SHCBP1L: variants seen among roughly 807,000 people sequenced by gnomAD.
The protein encoded by SHCBP1L is testicular spindle-associated protein SHCBP1L.
A neutral mutation model predicts 62.5 loss-of-function variants in SHCBP1L; 67 were observed. The ratio of observed to expected loss-of-function variants is 1.07; its 90% CI spans 0.88 to 1.31. The LOEUF (loss-of-function observed/expected upper bound fraction) is 1.31, where lower values mean the gene tolerates loss of function less well. SHCBP1L is among the 40% of genes most tolerant of loss of function. The pLI, the probability that SHCBP1L is intolerant of heterozygous loss-of-function variation, is 0.00. For missense variants in SHCBP1L, 823 were observed against 809.8 expected, an observed-to-expected ratio of 1.02 and a Z score of -0.20; for synonymous variants, 284 against 289.4, an observed-to-expected ratio of 0.98 and a Z score of 0.19.
At chr1:182,905,979 GGCTGGAGGGCAAT>G (rs1457775543) in intron 6 of SHCBP1L, among the ~76,000 whole-genome samples, 1 of 152,144 alleles carries the variant, frequency 6.6e-6, no homozygotes, top group Non-Finnish European at 1.5e-5. Flanking sequence ...CTGTCGCCCA[GGCTGGAGGGCAAT>G]GCTGCGATCT....
intron 6 of SHCBP1L, among the ~76,000 whole-genome samples, chr1:182,923,654 C>A (rs1650587302): frequency 6.6e-6 from 1 of 152,164 alleles, no homozygotes; most frequent in Admixed American, 6.5e-5. Flanking sequence ...ATCATCTCAA[C>A]AGATGCTGAA....
At position 182,939,218 on chromosome 1, in the gene SHCBP1L, A is replaced by G; in HGVS notation, c.1034T>C (p.Met345Thr). The change falls in exon 5 of 10, where the codon ATG (methionine) becomes ACG (threonine). Residue 345 changes from methionine (M) to threonine (T), a missense_variant. Physicochemically the swap from Met to Thr is moderately conservative, Grantham distance 81. Coordinates refer to ENST00000367547, the MANE Select transcript of SHCBP1L (RefSeq NM_030933.4). ...CCACATTTTCAGTAATCCACAGAGC[A>G]TGACTATCTCATAGTATTTTTTCCA... ...ECWKKYYEIVMLCGLLKMWED... is the reference protein window; with the variant it reads ...ECWKKYYEIVTLCGLLKMWED... 6.2e-7 allele frequency: 1 copy of G among 1,613,968 alleles called. No individual in the cohort carries two copies. The highest frequency in any genetic ancestry group is 1.1e-5 in the South Asian group (1 of 91,074).
At chr1:182,937,683 T>C (rs1651224772) in intron 5 of SHCBP1L, among the ~76,000 whole-genome samples, 2 of 152,214 alleles carry the variant, frequency 1.3e-5, no homozygotes, top group Admixed American at 1.3e-4. Context: ...TGTCCCACAG[T>C]TCTTGAATGT....
intron 6 of SHCBP1L, among the ~76,000 whole-genome samples, chr1:182,928,703 T>C (rs1650861343): frequency 6.6e-6 from 1 of 152,116 alleles, no homozygotes; most frequent in African/African-American, 2.4e-5. Flanking sequence ...GTACCATTTA[T>C]TGAAACAGAG....
intron 6 of SHCBP1L, among the ~76,000 whole-genome samples, chr1:182,924,761 A>AAAGG: frequency 9.1e-6 from 1 of 110,494 alleles, no homozygotes; most frequent in Non-Finnish European, 1.6e-5. Context: ...AGAAAGAAAG[A>AAAGG]AAGAAAGAAA....
intron 2 of SHCBP1L, among the ~76,000 whole-genome samples, chr1:182,944,076 G>T (rs945063197): frequency 6.8e-6 from 1 of 147,860 alleles, no homozygotes; most frequent in Non-Finnish European, 1.5e-5. Context: ...AGCCGAGATC[G>T]CGCCACTGCA....
chr1:182,914,251 C>T (rs1175105524), intron 6 of SHCBP1L, among the ~76,000 whole-genome samples: 1 of 151,990 alleles, frequency 6.6e-6, no homozygotes, highest in African/African-American at 2.4e-5. Flanking sequence ...AAAAGAAATG[C>T]TAAAGGAGTC....
At position 182,911,540 on chromosome 1, in the gene SHCBP1L, T is replaced by C. The variant is rs77184922; in HGVS notation, c.1183-5891A>G. On this transcript the variant is annotated intron_variant, in intron 6 of 9. Coordinates refer to ENST00000367547, the MANE Select transcript of SHCBP1L (RefSeq NM_030933.4). ...CCCTGAGGAAGCCCAGATAAGACTT[T>C]GGACTTACTAGACAAAGACTTTAAC... is the stretch of plus-strand genomic sequence containing the variant. Among the ~76,000 whole-genome samples, 86 of 152,308 alleles carry C rather than the reference T, an allele frequency of 5.6e-4. 1 individual carries two copies. In the East Asian group the frequency reaches 0.013, roughly 24 times the overall value.
At position 182,904,040 on chromosome 1, in the gene SHCBP1L, G is replaced by C. The variant is rs1649922975; in HGVS notation, c.1587+140C>G. 3 of 985,114 alleles carry C rather than the reference G, an allele frequency of 3.0e-6. No homozygotes were observed. The African/African-American group carries it at 4.9e-5, about 16-fold the overall frequency. 61.0% of individuals were successfully genotyped at this position (985,114 alleles called of 1,614,324 possible). A position where few individuals can be genotyped will look rare whatever the true frequency, so the allele number is the denominator to read the frequency against. Reference sequence around the variant, plus strand: ...ACTATGACACTCCAGTACTCATTTTGTTGATGTCTACCAGTTACTAAGTTT... The same window carrying C: ...ACTATGACACTCCAGTACTCATTTTCTTGATGTCTACCAGTTACTAAGTTT... On this transcript the variant is annotated intron_variant, in intron 8 of 9. Transcript: ENST00000367547.
chr1:182,927,627 A>C (rs750650268), intron 6 of SHCBP1L, among the ~76,000 whole-genome samples: 14 of 146,410 alleles, frequency 9.6e-5, no homozygotes, highest in Admixed American at 2.1e-4. Context: ...AGGCGAGATC[A>C]CGCCACTGCA....
chr1:182,924,776 GAAAGAAAGAAAGAGAGAA>G (rs1650650240), intron 6 of SHCBP1L, among the ~76,000 whole-genome samples: 1 of 89,670 alleles, frequency 1.1e-5, no homozygotes, highest in East Asian at 3.3e-4. Context: ...AAGAAAGAAA[GAAAGAAAGAAAGAGAGAA>G]AGAAAGGAAG....
chr1:182,921,238 A>C (rs1650520402), intron 6 of SHCBP1L, among the ~76,000 whole-genome samples: 1 of 152,204 alleles, frequency 6.6e-6, no homozygotes, highest in Non-Finnish European at 1.5e-5. Flanking sequence ...CTTAAAGAAA[A>C]GAAACTCCAA....
intron 6 of SHCBP1L, among the ~76,000 whole-genome samples, chr1:182,908,223 G>C (rs533184850): frequency 1.8e-4 from 25 of 136,558 alleles, no homozygotes; most frequent in African/African-American, 6.2e-4. Flanking sequence ...TCCAGGTATT[G>C]AGCATAGTAC....
In SHCBP1L at chr1:182,900,119, A is replaced by G. The variant is rs1267853475; in HGVS notation, c.1826T>C (p.Leu609Pro). The stretch of plus-strand genomic sequence containing the variant: ...ATCTCCTGAAGAAGCCCTTTTGTTG[A>G]GAGCTTCTTCTGCTACGATAAAAAA... Reference protein sequence around the residue: ...EQFFIVAEEALNKRASSGDKK... With the variant: ...EQFFIVAEEAPNKRASSGDKK... The change falls in exon 10 of 10, where the codon CTC becomes CCC. Residue 609 changes from leucine (L) to proline (P), a missense_variant. Leu to Pro is a moderately conservative substitution (Grantham distance 98, BLOSUM62 -3). Transcript: ENST00000367547. The G allele has an allele frequency of 6.2e-7, 1 of 1,612,618 alleles. No homozygotes were observed. The highest frequency in any genetic ancestry group is 8.5e-7 in the Non-Finnish European group (1 of 1,179,214).
At chr1:182,938,289 T>C (rs936451028) in intron 5 of SHCBP1L, among the ~76,000 whole-genome samples, 3 of 152,052 alleles carry the variant, frequency 2.0e-5, no homozygotes, top group Non-Finnish European at 4.4e-5. Context: ...GTGTTTTTAG[T>C]AGAGATGGGG....
In SHCBP1L at chr1:182,940,433, C is replaced by T. The variant is rs377703333; in HGVS notation, c.666G>A (p.Glu222=). 1 of 1,613,990 alleles carries T rather than the reference C, an allele frequency of 6.2e-7. No homozygotes were observed. Among genetic ancestry groups the T allele is most frequent in the East Asian group, 2.2e-5 (1 of 44,828 alleles). Residue 222 remains glutamate (E), a synonymous_variant, in exon 3 of 10, where the codon GAG becomes GAA. Transcript: ENST00000367547. ...IANIPRDLVD[E]ILEELEHSVP... ...CACTGTGTTCCAGTTCCTCCAAAAT[C>T]TCATCAACCAAATCTCTTGGAATAT...
rs777853985 is a variant in SHCBP1L, at chr1:182,939,292, A to T, written c.960T>A (p.Tyr320Ter). The T allele has an allele frequency of 1.1e-5, 17 of 1,614,006 alleles. No individual in the cohort carries two copies. Among genetic ancestry groups the T allele is most frequent in the African/African-American group, 2.7e-5 (2 of 75,058 alleles). ...ATGGATCTTCTTTAATATTGCTCTG[A>T]TACTCAATGAGCTCGACACGTTTGT... ...YKNKRVELIE[Y>*]QSNIKEDPSA... is the part of the protein sequence containing the mutation. Residue 320 changes from tyrosine to a stop codon, truncating the protein, a stop_gained, in exon 5 of 10, where the codon TAT becomes TAA. Transcript: ENST00000367547. LOFTEE classifies it high-confidence loss of function.
chr1:182,915,642 T>C (rs962811652), intron 6 of SHCBP1L, among the ~76,000 whole-genome samples: 6 of 152,112 alleles, frequency 3.9e-5, no homozygotes, highest in Non-Finnish European at 5.9e-5. Flanking sequence ...ATATGCATTC[T>C]TCTGGAATGC....
At chr1:182,940,283 T>C (rs1651313174) in intron 3 of SHCBP1L, 46 bp downstream of exon 3, 1 of 1,523,672 alleles carries the variant, frequency 6.6e-7, no homozygotes, top group East Asian at 2.3e-5. Context: ...TCACATTAAC[T>C]TTTGGATATA....
Sources: gnomAD v4.1 joint callset for allele counts (sites outside exome capture counted in the v4.1 genomes callset) on GRCh38, gnomAD v4.1.1 for gene constraint, MANE v1.5 for transcripts, NCBI Gene and HGNC (gene_info 2026-07-23, HGNC 2026-07-21) for gene names.